Variants in AGBL4 observed in about 807,000 individuals in gnomAD.
AGBL4 encodes cytosolic carboxypeptidase 6.
Under a neutral mutation model 66.4 loss-of-function variants are expected in AGBL4, and 58 were observed. That is an observed-to-expected ratio of 0.87 (90% confidence interval 0.71 to 1.09). The LOEUF (loss-of-function observed/expected upper bound fraction) is 1.09. Ranked by LOEUF, AGBL4 falls within the 50% of genes least tolerant of loss-of-function variation. The pLI, the probability that AGBL4 is intolerant of heterozygous loss-of-function variation, is 0.00. For missense variants in AGBL4, 579 were observed against 631.0 expected, an observed-to-expected ratio of 0.92 and a Z score of 0.88; for synonymous variants, 234 against 222.9, an observed-to-expected ratio of 1.05 and a Z score of -0.44.
At chr1:49,536,644 C>T (rs1026225106) in intron 3 of AGBL4, among the ~76,000 whole-genome samples, 3 of 152,094 alleles carry the variant, frequency 2.0e-5, no homozygotes, top group African/African-American at 7.2e-5. Flanking sequence ...TATTATGTAA[C>T]TTCAAATTAT....
intron 4 of AGBL4, among the ~76,000 whole-genome samples, chr1:49,071,092 C>A (rs1369467544): frequency 6.6e-6 from 1 of 151,644 alleles, no homozygotes; most frequent in Non-Finnish European, 1.5e-5. Context: ...TGGTGATATC[C>A]CCTTTATCAT....
At chr1:49,515,735 G>C (rs545887713) in intron 3 of AGBL4, among the ~76,000 whole-genome samples, 7 of 151,970 alleles carry the variant, frequency 4.6e-5, no homozygotes, top group African/African-American at 1.7e-4. Flanking sequence ...CATGTCCTCT[G>C]TAGGGACATG....
chr1:49,073,696 G>A (rs1358253573), intron 4 of AGBL4, among the ~76,000 whole-genome samples: 2 of 152,158 alleles, frequency 1.3e-5, no homozygotes, highest in African/African-American at 4.8e-5. Context: ...GGCCCCTACT[G>A]GGAGGTGTCT....
intron 5 of AGBL4, among the ~76,000 whole-genome samples, chr1:49,039,239 C>T (rs367886834): frequency 6.6e-6 from 1 of 152,028 alleles, no homozygotes; most frequent in Non-Finnish European, 1.5e-5. Flanking sequence ...TGAAACTAAT[C>T]TGTATATATT....
chr1:49,426,210 A>G (rs566117955), intron 3 of AGBL4, among the ~76,000 whole-genome samples: 22 of 152,358 alleles, frequency 1.4e-4, no homozygotes, highest in African/African-American at 4.1e-4. Context: ...AGGGGTTAGA[A>G]GAAATGAGTA....
chr1:49,023,800 G>C (rs1182972688), intron 5 of AGBL4, among the ~76,000 whole-genome samples: 34 of 152,118 alleles, frequency 2.2e-4, no homozygotes, highest in Admixed American at 2.2e-3. Flanking sequence ...ATCTAAAACT[G>C]TACCCTTCTT....
chr1:49,372,635 C>CTTTCTTT (rs1395615344), intron 3 of AGBL4, among the ~76,000 whole-genome samples: 1 of 131,410 alleles, frequency 7.6e-6, no homozygotes, highest in Non-Finnish European at 1.6e-5. Flanking sequence ...TTCTTTCTTT[C>CTTTCTTT]TTTCTTTCTT....
chr1:49,691,723 C>T (rs776202749), intron 3 of AGBL4, among the ~76,000 whole-genome samples: 5 of 152,084 alleles, frequency 3.3e-5, no homozygotes, highest in African/African-American at 1.2e-4. Flanking sequence ...CTGGGAAAGG[C>T]AGACCCACCC....
At chr1:49,321,391 C>T (rs988806636) in intron 3 of AGBL4, among the ~76,000 whole-genome samples, 1 of 152,194 alleles carries the variant, frequency 6.6e-6, no homozygotes, top group African/African-American at 2.4e-5. Flanking sequence ...CCCTTTTCTA[C>T]TCATCAAACT....
At chr1:49,546,411 G>A (rs1426400228) in intron 3 of AGBL4, among the ~76,000 whole-genome samples, 3 of 150,816 alleles carry the variant, frequency 2.0e-5, no homozygotes, top group East Asian at 1.9e-4. Flanking sequence ...TTCAATTGTC[G>A]ATTGGTGGGC....
At chr1:49,881,986 A>C (rs1286799242) in intron 1 of AGBL4, among the ~76,000 whole-genome samples, 1 of 151,922 alleles carries the variant, frequency 6.6e-6, no homozygotes, top group Non-Finnish European at 1.5e-5. Flanking sequence ...GAATGGTAAT[A>C]CCTAGGTTTT....
chr1:49,779,095 GATA>G (rs2147900221), intron 2 of AGBL4, among the ~76,000 whole-genome samples: 1 of 152,222 alleles, frequency 6.6e-6, no homozygotes, highest in East Asian at 1.9e-4. Context: ...CAGAGAAAGG[GATA>G]ATAAGAAAGA....
intron 2 of AGBL4, chr1:49,841,904 C>G: frequency 1.6e-6 from 1 of 631,632 alleles, no homozygotes; most frequent in East Asian, 3.8e-5. Flanking sequence ...CCTGGGCTGC[C>G]TGTCTCCACA....
intron 4 of AGBL4, among the ~76,000 whole-genome samples, chr1:49,073,791 C>T (rs1644656785): frequency 6.6e-6 from 1 of 152,216 alleles, no homozygotes; most frequent in South Asian, 2.1e-4. Flanking sequence ...GCTGAGATAA[C>T]CACTGCTCTC....
intron 1 of AGBL4, among the ~76,000 whole-genome samples, chr1:49,954,427 T>C (rs1209535740): frequency 3.3e-5 from 5 of 151,958 alleles, no homozygotes; most frequent in African/African-American, 1.2e-4. Context: ...GGATGAGTTG[T>C]GGGTACCCGC....
chr1:49,200,621 G>A (rs1647614424), intron 4 of AGBL4, among the ~76,000 whole-genome samples: 1 of 152,118 alleles, frequency 6.6e-6, no homozygotes, highest in African/African-American at 2.4e-5. Flanking sequence ...TTGCTTCAGT[G>A]GCTCACAGCA....
intron 2 of AGBL4, among the ~76,000 whole-genome samples, chr1:49,779,178 AG>A (rs1216056011): frequency 2.0e-5 from 3 of 152,220 alleles, no homozygotes; most frequent in African/African-American, 7.2e-5. Flanking sequence ...CTGGTGGTCA[AG>A]GAGACTATGT....
intron 6 of AGBL4, among the ~76,000 whole-genome samples, chr1:48,804,678 G>A (rs765543078): frequency 1.5e-4 from 23 of 152,180 alleles, no homozygotes; most frequent in Non-Finnish European, 2.4e-4. Flanking sequence ...TCCTGGAGGG[G>A]TAGGGGCTCT....
chr1:48,677,421 A>G (rs1261459815), intron 6 of AGBL4, among the ~76,000 whole-genome samples: 1 of 152,178 alleles, frequency 6.6e-6, no homozygotes, highest in African/African-American at 2.4e-5. Flanking sequence ...CATGCATGTC[A>G]GGGTACAGAT....
Sources: gnomAD v4.1 joint callset for allele counts (sites outside exome capture counted in the v4.1 genomes callset) on GRCh38, gnomAD v4.1.1 for gene constraint, MANE v1.5 for transcripts, NCBI Gene and HGNC (gene_info 2026-07-23, HGNC 2026-07-21) for gene names.